The following DIPK1A variants were observed in gnomAD, a reference collection of about 807,000 sequenced individuals.
DIPK1A encodes the protein divergent protein kinase domain 1A, also known as family with sequence similarity 69 member A.
DIPK1A carries 27 observed loss-of-function variants against 40.8 expected under a neutral mutation model. The ratio of observed to expected loss-of-function variants is 0.66; its 90% confidence interval spans 0.49 to 0.91. The LOEUF (loss-of-function observed/expected upper bound fraction) is 0.91, where lower values mean the gene tolerates loss of function less well. Among genes scored for constraint, DIPK1A ranks in the 40% least tolerant of loss-of-function variants. DIPK1A has a pLI of 0.00. For synonymous variants in DIPK1A, 166 were observed against 171.3 expected, an observed-to-expected ratio of 0.97 and a Z score of 0.24; for missense variants, 412 against 505.7, an observed-to-expected ratio of 0.81 and a Z score of 1.78.
chr1:92,943,214 C>T (rs776218092), intron 1 of DIPK1A, among the ~76,000 whole-genome samples: 11 of 152,134 alleles, frequency 7.2e-5, no homozygotes, highest in South Asian at 2.1e-4. Context: ...AATTCACCAG[C>T]GGATAAAAGA....
intron 2 of DIPK1A, among the ~76,000 whole-genome samples, chr1:92,872,264 T>G (rs539986234): frequency 6.6e-6 from 1 of 151,918 alleles, no homozygotes; most frequent in South Asian, 2.1e-4. Flanking sequence ...GTATTTTTAG[T>G]AGAGACAGGT....
chr1:92,872,583 G>A (rs1388294957), intron 2 of DIPK1A, among the ~76,000 whole-genome samples: 1 of 151,906 alleles, frequency 6.6e-6, no homozygotes, highest in East Asian at 1.9e-4. Context: ...ATTTTATTTT[G>A]TCTTTTGGCA....
At chr1:92,948,958 C>T (rs986735611) in intron 1 of DIPK1A, among the ~76,000 whole-genome samples, 18 of 151,320 alleles carry the variant, frequency 1.2e-4, no homozygotes, top group Non-Finnish European at 2.5e-4. Flanking sequence ...ATGACCACCA[C>T]CATACCCGGC....
intron 2 of DIPK1A, 78 bp downstream of exon 2, chr1:92,876,218 A>T (rs1648117586): frequency 5.6e-6 from 5 of 885,206 alleles, no homozygotes; most frequent in Non-Finnish European, 6.2e-6. Context: ...TTTTAAAAAC[A>T]TCATTAGTAA....
intron 1 of DIPK1A, chr1:92,931,928 C>T (rs1248693888): frequency 1.2e-5 from 3 of 241,496 alleles, no homozygotes; most frequent in South Asian, 5.4e-5. Context: ...TAATGTGACC[C>T]GCAAGTTGTT....
chr1:92,856,836 G>T (rs1355552013), intron 2 of DIPK1A, among the ~76,000 whole-genome samples: 1 of 152,218 alleles, frequency 6.6e-6, no homozygotes, highest in Non-Finnish European at 1.5e-5. Flanking sequence ...ATGCCATCTA[G>T]GTGCAGTACT....
rs148073153 is a variant in DIPK1A, at chr1:92,856,575, G to A, written c.190-5620C>T. Among the ~76,000 whole-genome samples, 471 of 152,140 alleles carry A rather than the reference G, an allele frequency of 3.1e-3. 2 individuals are homozygous for A. Among genetic ancestry groups the A allele is most frequent in the Admixed American group, 7.1e-3 (109 of 15,274 alleles). On this transcript the variant is annotated intron_variant, in intron 2 of 4. Transcript: ENST00000370310. The stretch of plus-strand genomic sequence containing the variant: ...TGGGATTACAGGTGTCCACCACCAA[G>A]CCCAGGTAATTTTGTATTTTTAGTA...
chr1:92,954,378 TTTTTTTTTTTTTG>T (rs964679160), intron 1 of DIPK1A, among the ~76,000 whole-genome samples: 2 of 7,616 alleles, frequency 2.6e-4, no homozygotes, highest in Admixed American at 1.4e-3. Context: ...TTCTTTTTTT[TTTTTTTTTTTTTG>T]TTTTGAGACA....
chr1:92,840,552 TGGA>T (rs767332385), downstream of DIPK1A: 5 of 1,611,260 alleles, frequency 3.1e-6, no homozygotes, highest in Non-Finnish European at 4.2e-6. Context: ...TTGTTTCAGA[TGGA>T]GGAGATGTAT....
chr1:92,930,633 C>A (rs915746461), intron 1 of DIPK1A: 5 of 152,200 alleles, frequency 3.3e-5, no homozygotes, highest in Non-Finnish European at 5.9e-5. Context: ...CTGAATACCC[C>A]CAAACGCAAT....
At chr1:92,949,868 C>T (rs1483381840) in intron 1 of DIPK1A, among the ~76,000 whole-genome samples, 2 of 152,170 alleles carry the variant, frequency 1.3e-5, no homozygotes, top group Non-Finnish European at 2.9e-5. Flanking sequence ...TGTATCTTTA[C>T]AATTATGTAT....
chr1:92,899,439 T>C (rs146927459), intron 1 of DIPK1A, among the ~76,000 whole-genome samples: 1 of 152,344 alleles, frequency 6.6e-6, no homozygotes, highest in East Asian at 1.9e-4. Flanking sequence ...ATATGTGTCT[T>C]TACAATTGAA....
chr1:92,915,083 CAAAA>C (rs10583235), intron 1 of DIPK1A, among the ~76,000 whole-genome samples: 3 of 80,048 alleles, frequency 3.7e-5, no homozygotes, highest in Non-Finnish European at 7.0e-5. Context: ...GCAAGACTGT[CAAAA>C]AAAAAAAAAA....
chr1:92,921,993 C>T (rs1377213968), intron 1 of DIPK1A, among the ~76,000 whole-genome samples: 3 of 151,936 alleles, frequency 2.0e-5, no homozygotes, highest in Non-Finnish European at 4.4e-5. Context: ...AACTTAACGT[C>T]TGTTTTTAAA....
At chr1:92,906,098 C>T (rs1193126280) in intron 1 of DIPK1A, among the ~76,000 whole-genome samples, 1 of 152,024 alleles carries the variant, frequency 6.6e-6, no homozygotes, top group Admixed American at 6.6e-5. Context: ...ATGACTTTGG[C>T]TATTCTGGGT....
At chr1:92,960,459 G>A (rs1366614324) in intron 1 of DIPK1A, among the ~76,000 whole-genome samples, 1 of 152,120 alleles carries the variant, frequency 6.6e-6, no homozygotes, top group African/African-American at 2.4e-5. Context: ...ACCCACGCAA[G>A]GCATTGATTT....
chr1:92,893,565 C>T (rs563479809), intron 1 of DIPK1A, among the ~76,000 whole-genome samples: 1 of 152,128 alleles, frequency 6.6e-6, no homozygotes, highest in African/African-American at 2.4e-5. Flanking sequence ...ACTGTAAAGA[C>T]CATCGAGGCT....
intron 2 of DIPK1A, among the ~76,000 whole-genome samples, chr1:92,855,411 C>G (rs1024679848): frequency 6.6e-6 from 1 of 151,968 alleles, no homozygotes; most frequent in Non-Finnish European, 1.5e-5. Context: ...ACAAAAAAAA[C>G]CCAACAGACC....
chr1:92,949,762 T>C (rs1451607815), intron 1 of DIPK1A, among the ~76,000 whole-genome samples: 2 of 152,160 alleles, frequency 1.3e-5, no homozygotes, highest in African/African-American at 4.8e-5. Context: ...AGGAGAAACA[T>C]AGTTTGTATC....
Sources: gnomAD v4.1 joint callset for allele counts (sites outside exome capture counted in the v4.1 genomes callset) on GRCh38, gnomAD v4.1.1 for gene constraint, MANE v1.5 for transcripts, NCBI Gene and HGNC (gene_info 2026-07-23, HGNC 2026-07-21) for gene names.